BMPER: variants seen among roughly 807,000 people sequenced by gnomAD.
BMPER encodes BMP binding endothelial regulator.
Under a neutral mutation model 87.3 loss-of-function variants are expected in BMPER, and 45 were observed. That is an observed-to-expected ratio of 0.52 (90% CI 0.41 to 0.66). BMPER has a LOEUF of 0.66. BMPER is among the 30% of genes least tolerant of loss of function. BMPER has a pLI of 0.00. For missense variants in BMPER, 784 were observed against 867.5 expected, an observed-to-expected ratio of 0.90 and a Z score of 1.21; for synonymous variants, 326 against 316.2, an observed-to-expected ratio of 1.03 and a Z score of -0.33.
At chr7:34,051,572 A>C (rs528457946) in intron 7 of BMPER, among the ~76,000 whole-genome samples, 1 of 152,260 alleles carries the variant, frequency 6.6e-6, no homozygotes, top group South Asian at 2.1e-4. Flanking sequence ...TGTGAGCTCC[A>C]TGAGGGGAGC....
At chr7:34,063,420 T>A (rs1489409294) in intron 11 of BMPER, among the ~76,000 whole-genome samples, 1 of 151,942 alleles carries the variant, frequency 6.6e-6, no homozygotes, top group Non-Finnish European at 1.5e-5. Context: ...TATATAAAAC[T>A]ATTAAATATA....
chr7:34,099,933 G>A (rs1360838135), intron 13 of BMPER, among the ~76,000 whole-genome samples: 1 of 151,802 alleles, frequency 6.6e-6, no homozygotes, highest in Non-Finnish European at 1.5e-5. Context: ...GATTCTGAGA[G>A]AGTTGAGTCT....
chr7:33,960,440 A>G (rs902122093), intron 3 of BMPER, among the ~76,000 whole-genome samples: 1 of 152,178 alleles, frequency 6.6e-6, no homozygotes, highest in Non-Finnish European at 1.5e-5. Flanking sequence ...TTTGGGGCTT[A>G]TTGACCAAGT....
intron 11 of BMPER, among the ~76,000 whole-genome samples, chr7:34,063,941 C>A (rs1420328): frequency 0.88 from 133,229 of 152,260 alleles, 58,648 homozygotes; most frequent in East Asian, 1. Flanking sequence ...GACTCATTAC[C>A]TCTGCCAATC....
chr7:34,041,917 G>A (rs1456347827), intron 6 of BMPER, among the ~76,000 whole-genome samples: 2 of 152,164 alleles, frequency 1.3e-5, no homozygotes, highest in African/African-American at 4.8e-5. Context: ...TTGTTAGGGA[G>A]CCAAGCTCTG....
intron 3 of BMPER, among the ~76,000 whole-genome samples, chr7:33,951,865 G>C (rs1029079245): frequency 6.6e-6 from 1 of 152,202 alleles, no homozygotes; most frequent in Non-Finnish European, 1.5e-5. Flanking sequence ...AGTTGAGTGA[G>C]AGTGATAGGG....
intron 10 of BMPER, among the ~76,000 whole-genome samples, chr7:34,060,056 A>T (rs1788395112): frequency 6.6e-6 from 1 of 151,702 alleles, no homozygotes; most frequent in South Asian, 2.1e-4. Flanking sequence ...TGCTAACATC[A>T]CCCCTCTGAG....
intron 14 of BMPER, among the ~76,000 whole-genome samples, chr7:34,151,655 AT>A (rs1791179665): frequency 6.6e-6 from 1 of 152,174 alleles, no homozygotes; most frequent in Non-Finnish European, 1.5e-5. Flanking sequence ...ATTTACCTCT[AT>A]CCCCAAAGCA....
chr7:34,156,129 CGTT>C lies in BMPER; in HGVS notation c.*2858_*2860del, dbSNP rs1356028004. On this transcript the variant is annotated 3_prime_UTR_variant, in exon 15 of 15. Transcript: ENST00000649409. ...GTTGAAGGCCTCACTCATCTTAACT[CGTT>C]GACTGCTTCCTGACCATCAGACCGT... Among the ~76,000 whole-genome samples, 1 of 152,200 alleles carries C rather than the reference CGTT, an allele frequency of 6.6e-6. No homozygotes were observed. Among genetic ancestry groups the C allele is most frequent in the African/African-American group, 2.4e-5 (1 of 41,446 alleles).
intron 13 of BMPER, among the ~76,000 whole-genome samples, chr7:34,087,583 T>C (rs986639248): frequency 2.0e-5 from 3 of 152,238 alleles, no homozygotes; most frequent in African/African-American, 7.2e-5. Flanking sequence ...AGTAAGATTA[T>C]GAACATGAAT....
chr7:33,974,876 C>A, intron 6 of BMPER, 92 bp downstream of exon 6: 1 of 1,238,294 alleles, frequency 8.1e-7, no homozygotes, highest in Non-Finnish European at 1.2e-6. Flanking sequence ...CAGCCTCTCT[C>A]TCGTCTCCTC....
chr7:34,120,599 T>C (rs192179067), intron 13 of BMPER, among the ~76,000 whole-genome samples: 1 of 152,282 alleles, frequency 6.6e-6, no homozygotes, highest in East Asian at 1.9e-4. Context: ...GGTTTCTCCG[T>C]ATTGGTCAGG....
chr7:34,094,322 G>A (rs1000598388), intron 13 of BMPER, among the ~76,000 whole-genome samples: 1 of 152,188 alleles, frequency 6.6e-6, no homozygotes. Context: ...GAGAAATAAG[G>A]CCATCCTGAC....
chr7:34,128,649 T>C (rs1042045271), intron 13 of BMPER, among the ~76,000 whole-genome samples: 1 of 152,316 alleles, frequency 6.6e-6, no homozygotes, highest in Non-Finnish European at 1.5e-5. Context: ...TGTTATATAA[T>C]GTGTTTGAAG....
intron 11 of BMPER, among the ~76,000 whole-genome samples, chr7:34,073,256 A>G (rs1282550215): frequency 2.0e-5 from 3 of 152,234 alleles, no homozygotes; most frequent in South Asian, 4.1e-4. Context: ...TGGTAGGAAT[A>G]TGTTCTGAGA....
chr7:33,980,170 C>A (rs531285442), intron 6 of BMPER, among the ~76,000 whole-genome samples: 51 of 152,320 alleles, frequency 3.3e-4, no homozygotes, highest in African/African-American at 1.2e-3. Context: ...TAAACTGCAT[C>A]ATCCCTGTTT....
chr7:34,016,571 T>A (rs1051911318), intron 6 of BMPER, among the ~76,000 whole-genome samples: 8 of 151,992 alleles, frequency 5.3e-5, no homozygotes, highest in African/African-American at 1.9e-4. Context: ...ACCTGCAACT[T>A]CTTTTTGTTC....
At chr7:33,979,823 C>T (rs1302232126) in intron 6 of BMPER, among the ~76,000 whole-genome samples, 12 of 152,204 alleles carry the variant, frequency 7.9e-5, no homozygotes, top group Admixed American at 6.5e-4. Flanking sequence ...TGAGGTCCAA[C>T]CCACTTAGTT....
intron 11 of BMPER, among the ~76,000 whole-genome samples, chr7:34,071,271 C>T (rs2127970423): frequency 6.6e-6 from 1 of 152,260 alleles, no homozygotes; most frequent in East Asian, 1.9e-4. Flanking sequence ...TTATAATAAG[C>T]AAATGAATAA....
Sources: gnomAD v4.1 joint callset for allele counts (sites outside exome capture counted in the v4.1 genomes callset) on GRCh38, gnomAD v4.1.1 for gene constraint, MANE v1.5 for transcripts, NCBI Gene and HGNC (gene_info 2026-07-23, HGNC 2026-07-21) for gene names.